Variants in ALDH1A3 observed in about 807,000 individuals in gnomAD.
ALDH1A3 encodes retinaldehyde dehydrogenase 3.
A neutral mutation model predicts 57.5 loss-of-function variants in ALDH1A3; 28 were observed. That is an observed-to-expected ratio of 0.49 (90% CI 0.36 to 0.67). The LOEUF (loss-of-function observed/expected upper bound fraction) is 0.67, where lower values mean the gene tolerates loss of function less well. Among genes scored for constraint, ALDH1A3 ranks in the 30% least tolerant of loss-of-function variants. The probability of loss-of-function intolerance (pLI) is 0.00; values close to 1 mark genes in which losing one functional copy is unlikely to be tolerated. For synonymous variants in ALDH1A3, 281 were observed against 264.8 expected (o/e 1.06, Z -0.59); for missense variants, 507 against 669.4 (o/e 0.76, Z 2.68).
intron 12 of ALDH1A3, among the ~76,000 whole-genome samples, chr15:100,910,910 T>C (rs1396750764): frequency 6.6e-6 from 1 of 152,192 alleles, no homozygotes; most frequent in East Asian, 1.9e-4. Context: ...CACTGGTGAT[T>C]CACCCTCATT....
Position 100,893,316 on chromosome 15 carries a change from A to G in ALDH1A3, c.537+310A>G, listed in dbSNP as rs1255014503. 3.5e-6 allele frequency: 1 copy of G among 285,808 alleles called. No homozygotes were observed. Among genetic ancestry groups the G allele is most frequent in the Admixed American group, 4.8e-5 (1 of 20,764 alleles). The allele number at this position is 285,808 out of a possible 1,614,324, so 17.7% of individuals were successfully genotyped here. A position where few individuals can be genotyped will look rare whatever the true frequency, so the allele number is the denominator to read the frequency against. ...CTTAAAGATAAGAAAGACTTGTTCA[A>G]CAAGGAAAAGGATTTTCCAAGGAGT... On this transcript the variant is annotated intron_variant, in intron 5 of 12. Coordinates refer to ENST00000329841, the MANE Select transcript of ALDH1A3 (RefSeq NM_000693.4). This position sits in a 1 kb window ranked among gnomAD's most constrained non-coding sequence, Gnocchi z 4.8.
At chr15:100,900,258 G>A (rs548036657) in intron 8 of ALDH1A3, among the ~76,000 whole-genome samples, 1 of 152,286 alleles carries the variant, frequency 6.6e-6, no homozygotes, top group Admixed American at 6.5e-5. Context: ...AAAAGGGGAG[G>A]GGAGGGGAGT....
rs545097257 is a variant in ALDH1A3 at position 100,881,988 on chromosome 15, G to A, written c.99+1982G>A. Among the ~76,000 whole-genome samples, 4 of 152,390 alleles carry A rather than the reference G, an allele frequency of 2.6e-5. No individual in the cohort carries two copies. In the South Asian group the frequency reaches 6.2e-4, roughly 24 times the overall value. ...GCGGCCGAGAGTGAGGCCACCAAGA[G>A]TGCCTGCCGAGGGAAGGAGCGGGAT... On this transcript the variant is annotated intron_variant, in intron 1 of 12. Transcript: ENST00000329841.
chr15:100,889,578 C>A lies in ALDH1A3; in HGVS notation c.345+1866C>A, dbSNP rs964902553. Among the ~76,000 whole-genome samples, 1 of 152,220 alleles carries A rather than the reference C, an allele frequency of 6.6e-6. No homozygotes were observed. Reference sequence around the variant, plus strand: ...TTTCACCCGGCATGAGCTCATCGGTCGGCAATGTCCGTGTGGACTAATAGC... The same window carrying A: ...TTTCACCCGGCATGAGCTCATCGGTAGGCAATGTCCGTGTGGACTAATAGC... On this transcript the variant is annotated intron_variant, in intron 3 of 12. Coordinates refer to ENST00000329841, the MANE Select transcript of ALDH1A3 (RefSeq NM_000693.4). The surrounding 1 kb of genome is among the most constrained non-coding windows in gnomAD (Gnocchi z 5.1).
rs1387098375 is a variant in ALDH1A3 at position 100,889,482 on chromosome 15, G to A, written c.345+1770G>A. On this transcript the variant is annotated intron_variant, in intron 3 of 12. Coordinates refer to ENST00000329841, the MANE Select transcript of ALDH1A3 (RefSeq NM_000693.4). This position sits in a 1 kb window ranked among gnomAD's most constrained non-coding sequence, Gnocchi z 5.1. ...AGCGCTTCTCTCTGAGGAGCCTCTG[G>A]TTTCTTCCTGCAACGTAAGCCAGCG... 6.6e-6 allele frequency among the ~76,000 whole-genome samples: 1 copy of A among 152,160 alleles called. No homozygotes were observed. Among genetic ancestry groups the A allele is most frequent in the Non-Finnish European group, 1.5e-5 (1 of 68,030 alleles).
chr15:100,883,257 A>C (rs372358650), intron 1 of ALDH1A3, among the ~76,000 whole-genome samples: 2 of 152,120 alleles, frequency 1.3e-5, no homozygotes, highest in African/African-American at 2.4e-5. Context: ...CTTTCTACAA[A>C]TGGGCCCCTC....
At position 100,892,920 on chromosome 15, in the gene ALDH1A3, TC is replaced by T. The variant is rs764017616; in HGVS notation, c.476-21del. 23 of 1,612,574 alleles carry T rather than the reference TC, an allele frequency of 1.4e-5. 1 individual carries two copies. The South Asian group carries it at 2.5e-4, about 18-fold the overall frequency. ...AACCTGGACTAAGTGAGTGTGTCCT[TC>T]CCCACCATGTAACCCTCTTCCAGAT... On this transcript the variant is annotated intron_variant, in intron 4 of 12. Coordinates refer to ENST00000329841, the MANE Select transcript of ALDH1A3 (RefSeq NM_000693.4).
At chr15:100,901,087 G>A (rs972872187) in intron 9 of ALDH1A3, among the ~76,000 whole-genome samples, 3 of 152,146 alleles carry the variant, frequency 2.0e-5, no homozygotes, top group African/African-American at 4.8e-5. Context: ...TGCAGGCAGC[G>A]TGTGGCCTGG....
intron 1 of ALDH1A3, among the ~76,000 whole-genome samples, chr15:100,884,356 T>C (rs1486368118): frequency 6.6e-6 from 1 of 152,244 alleles, no homozygotes; most frequent in African/African-American, 2.4e-5. Context: ...CGTATGTTCT[T>C]CTTAGTCTGC....
intron 1 of ALDH1A3, among the ~76,000 whole-genome samples, chr15:100,883,418 G>A (rs2041564369): frequency 6.6e-6 from 1 of 152,192 alleles, no homozygotes; most frequent in Non-Finnish European, 1.5e-5. Flanking sequence ...ATTGTAGCCT[G>A]GCCTTTTCCT....
chr15:100,880,354 C>A (rs1567166207), intron 1 of ALDH1A3: 2 of 372,366 alleles, frequency 5.4e-6, no homozygotes, highest in Non-Finnish European at 9.6e-6. Context: ...ACTCGGAGCG[C>A]GCTGGTTTTG....
intron 12 of ALDH1A3, among the ~76,000 whole-genome samples, chr15:100,911,542 G>A (rs1457859029): frequency 6.6e-6 from 1 of 152,160 alleles, no homozygotes; most frequent in Non-Finnish European, 1.5e-5. Flanking sequence ...AATACTTCTT[G>A]AGCATCTTTG....
rs4646682 is a variant in ALDH1A3 at position 100,906,662 on chromosome 15, C to T, written c.1234-459C>T. On this transcript the variant is annotated intron_variant, in intron 10 of 12. Transcript: ENST00000329841. This position sits in a 1 kb window ranked among gnomAD's most constrained non-coding sequence, Gnocchi z 4.8. The stretch of plus-strand genomic sequence containing the variant: ...TGGTGAATATTGTGTCATTCCTTCC[C>T]CTGGTAGTTATTATGGAAACGTTCT... Among the ~76,000 whole-genome samples the T allele has an allele frequency of 6.6e-6, 1 of 152,098 alleles. No individual in the cohort carries two copies. The highest frequency in any genetic ancestry group is 1.5e-5 in the Non-Finnish European group (1 of 68,018).
chr15:100,880,066 C>T (rs2041530486), intron 1 of ALDH1A3, 60 bp downstream of exon 1: 2 of 1,232,916 alleles, frequency 1.6e-6, no homozygotes, highest in East Asian at 3.2e-5. Context: ...CAGCCAGACT[C>T]GGGGCGGCGG....
intron 9 of ALDH1A3, among the ~76,000 whole-genome samples, chr15:100,902,110 A>T (rs751240576): frequency 3.9e-5 from 6 of 152,214 alleles, no homozygotes; most frequent in Non-Finnish European, 8.8e-5. Context: ...AGTGGGAAAT[A>T]TGTGAACTGA....
intron 1 of ALDH1A3, among the ~76,000 whole-genome samples, chr15:100,884,097 G>A (rs1243997710): frequency 2.6e-5 from 4 of 152,202 alleles, no homozygotes; most frequent in African/African-American, 9.7e-5. Context: ...TTCTGCCACG[G>A]GGGTTCTTCT....
At chr15:100,884,449 G>C (rs781423903) in intron 1 of ALDH1A3, among the ~76,000 whole-genome samples, 2 of 152,126 alleles carry the variant, frequency 1.3e-5, no homozygotes, top group Non-Finnish European at 2.9e-5. Flanking sequence ...ATTTCTGCGG[G>C]TTATATAAAC....
Position 100,914,930 on chromosome 15 carries a change from C to T in ALDH1A3, c.*157C>T. On this transcript the variant is annotated 3_prime_UTR_variant, in exon 13 of 13. Coordinates refer to ENST00000329841, the MANE Select transcript of ALDH1A3 (RefSeq NM_000693.4). The stretch of plus-strand genomic sequence containing the variant: ...GAATGATTGCTGTTTTCCTCTCACT[C>T]TCCTGTTTATTCACCAGACTGGGGA... The T allele has an allele frequency of 1.5e-6, 1 of 683,630 alleles. No individual in the cohort carries two copies. 42.3% of individuals were successfully genotyped at this position (683,630 alleles called of 1,614,324 possible). A position where few individuals can be genotyped will look rare whatever the true frequency, so the allele number is the denominator to read the frequency against.
At position 100,906,093 on chromosome 15, in the gene ALDH1A3, A is replaced by T. The variant is rs190600590; in HGVS notation, c.1233+406A>T. Among the ~76,000 whole-genome samples the T allele has an allele frequency of 2.3e-3, 353 of 152,252 alleles. 2 individuals are homozygous for T. Among genetic ancestry groups the T allele is most frequent in the African/African-American group, 8.2e-3 (339 of 41,548 alleles). Reference sequence around the variant, plus strand: ...CAAGAACCTGTGGATTCAGGGCCCAAAGCCGCCTTCAGTGCCCCTAGACTG... The same window carrying T: ...CAAGAACCTGTGGATTCAGGGCCCATAGCCGCCTTCAGTGCCCCTAGACTG... On this transcript the variant is annotated intron_variant, in intron 10 of 12. Coordinates refer to ENST00000329841, the MANE Select transcript of ALDH1A3 (RefSeq NM_000693.4). The surrounding 1 kb of genome is among the most constrained non-coding windows in gnomAD (Gnocchi z 4.8).
Sources: allele counts gnomAD v4.1 joint callset (sites outside exome capture counted in the v4.1 genomes callset), GRCh38; gene constraint gnomAD v4.1.1; non-coding constraint Gnocchi (gnomAD v3.1); transcripts MANE v1.5; gene names NCBI Gene and HGNC (gene_info 2026-07-23, HGNC 2026-07-21).